ITPR2: variants seen among roughly 807,000 people sequenced by gnomAD.
ITPR2 encodes the protein inositol 1,4,5-trisphosphate-gated calcium channel ITPR2.
Under a neutral mutation model 317.1 loss-of-function variants are expected in ITPR2, and 207 were observed. The ratio of observed to expected loss-of-function variants is 0.65; its 90% CI spans 0.58 to 0.73. ITPR2 has a LOEUF of 0.73. Ranked by LOEUF, ITPR2 falls within the 30% of genes least tolerant of loss-of-function variation. The pLI is 0.00. For synonymous variants in ITPR2, 1,156 were observed against 1,149.1 expected (o/e 1.01, Z -0.12); for missense variants, 2,613 against 3,284.0 (o/e 0.80, Z 4.99).
At chr12:26,517,686 A>C (rs1036337413) in intron 37 of ITPR2, among the ~76,000 whole-genome samples, 2 of 152,220 alleles carry the variant, frequency 1.3e-5, no homozygotes, top group South Asian at 2.1e-4. Flanking sequence ...AAAAATACAA[A>C]AATTAGCCAG....
chr12:26,600,088 CTTCA>C lies in ITPR2; in HGVS notation c.3696_3699del (p.Asn1232LysfsTer2). On this transcript the variant is annotated frameshift_variant, in exon 29 of 57. Coordinates refer to ENST00000381340, the MANE Select transcript of ITPR2 (RefSeq NM_002223.4). LOFTEE classifies it high-confidence loss of function. ...AGAAATGTATGGGCTAGATTCATTACTTCATTCATCTTTTCATCATTCTGTAAGT... is the reference window on the plus strand; with the variant it reads ...AGAAATGTATGGGCTAGATTCATTACTTCATCTTTTCATCATTCTGTAAGT... 6.2e-7 allele frequency: 1 copy of C among 1,606,808 alleles called. No homozygotes were observed. The highest frequency in any genetic ancestry group is 8.5e-7 in the Non-Finnish European group (1 of 1,174,280).
At chr12:26,577,655 T>G (rs1038779727) in intron 34 of ITPR2, among the ~76,000 whole-genome samples, 4 of 152,212 alleles carry the variant, frequency 2.6e-5, no homozygotes, top group African/African-American at 9.6e-5. Context: ...TTCCACTAAT[T>G]TTCAATTAAG....
chr12:26,387,633 T>G (rs1591981973), intron 54 of ITPR2, 39 bp from the exon 55 acceptor site: 1 of 1,585,708 alleles, frequency 6.3e-7, no homozygotes, highest in Non-Finnish European at 8.6e-7. Flanking sequence ...TAATTCGTCA[T>G]TTAATCAGTA....
chr12:26,740,952 A>G (rs1444645971), intron 2 of ITPR2, among the ~76,000 whole-genome samples: 1 of 152,250 alleles, frequency 6.6e-6, no homozygotes, highest in Non-Finnish European at 1.5e-5. Flanking sequence ...GGACCAGAGA[A>G]TGAGAATGGG....
At chr12:26,742,288 A>C (rs1351623050) in intron 2 of ITPR2, among the ~76,000 whole-genome samples, 1 of 152,236 alleles carries the variant, frequency 6.6e-6, no homozygotes, top group Non-Finnish European at 1.5e-5. Context: ...AACAAGAAAG[A>C]ATGAACTGCT....
In ITPR2 at chr12:26,710,018, G is replaced by C. The variant is rs992841268; in HGVS notation, c.951+1155C>G. On this transcript the variant is annotated intron_variant, in intron 9 of 56. Coordinates refer to ENST00000381340, the MANE Select transcript of ITPR2 (RefSeq NM_002223.4). ...CTTTGGGAGGCCGAGGCAGGCGCTTGAGTCCAGGAGTCTGAGACCAGCCTG... is the reference window on the plus strand; with the variant it reads ...CTTTGGGAGGCCGAGGCAGGCGCTTCAGTCCAGGAGTCTGAGACCAGCCTG... 2.0e-5 allele frequency among the ~76,000 whole-genome samples: 3 copies of C among 152,164 alleles called. No individual in the cohort carries two copies. In the East Asian group the frequency reaches 5.8e-4, roughly 29 times the overall value.
intron 2 of ITPR2, among the ~76,000 whole-genome samples, chr12:26,742,250 A>T (rs1949243597): frequency 6.6e-6 from 1 of 152,240 alleles, no homozygotes; most frequent in Non-Finnish European, 1.5e-5. Flanking sequence ...AAATAGTGGT[A>T]TGGTCACAGA....
chr12:26,489,752 A>G lies in ITPR2; in HGVS notation c.5371-2501T>C, dbSNP rs1308674223. On this transcript the variant is annotated intron_variant, in intron 39 of 56. Coordinates refer to ENST00000381340, the MANE Select transcript of ITPR2 (RefSeq NM_002223.4). ...TATAGAACATACACACATTGACTTA[A>G]TGTAGTTAGAAAGGAAGAAATAAAG... 2.6e-5 allele frequency among the ~76,000 whole-genome samples: 4 copies of G among 152,208 alleles called. No individual in the cohort carries two copies. In the East Asian group the frequency reaches 5.8e-4, roughly 22 times the overall value.
intron 32 of ITPR2, among the ~76,000 whole-genome samples, chr12:26,589,825 TAAATAAAC>T (rs1289480008): frequency 0.12 from 3,140 of 26,286 alleles, 376 homozygotes; most frequent in Non-Finnish European, 0.2. Context: ...AATAAATAAA[TAAATAAAC>T]ATATATATAT....
At chr12:26,809,986 T>A (rs554690690) in intron 1 of ITPR2, among the ~76,000 whole-genome samples, 22 of 152,364 alleles carry the variant, frequency 1.4e-4, no homozygotes, top group Middle Eastern at 3.4e-3. Context: ...AACTGTGTGT[T>A]GTTTCTGGAT....
intron 37 of ITPR2, among the ~76,000 whole-genome samples, chr12:26,522,841 C>A (rs543687903): frequency 6.6e-6 from 1 of 151,510 alleles, no homozygotes; most frequent in Non-Finnish European, 1.5e-5. Context: ...GCTTCCACGG[C>A]GGGGGGGGAA....
chr12:26,782,980 C>T (rs1345326346), intron 2 of ITPR2, among the ~76,000 whole-genome samples: 1 of 152,194 alleles, frequency 6.6e-6, no homozygotes, highest in East Asian at 1.9e-4. Flanking sequence ...AAAGCAACTG[C>T]CTAGCAAGAA....
chr12:26,428,914 G>A (rs1941135213), intron 48 of ITPR2, among the ~76,000 whole-genome samples: 1 of 152,094 alleles, frequency 6.6e-6, no homozygotes. Flanking sequence ...TCAGCTCTGG[G>A]GCCTCAAATG....
chr12:26,475,748 C>G (rs1942402626), intron 44 of ITPR2, among the ~76,000 whole-genome samples: 1 of 152,142 alleles, frequency 6.6e-6, no homozygotes, highest in Non-Finnish European at 1.5e-5. Context: ...AGAAATTGCC[C>G]TGGGAAGTGA....
At chr12:26,539,027 T>C (rs1944184235) in intron 37 of ITPR2, among the ~76,000 whole-genome samples, 1 of 152,214 alleles carries the variant, frequency 6.6e-6, no homozygotes, top group Non-Finnish European at 1.5e-5. Context: ...TCTCTAGATA[T>C]GCCTAGTCAA....
intron 26 of ITPR2, among the ~76,000 whole-genome samples, chr12:26,610,563 A>C (rs2136772584): frequency 6.6e-6 from 1 of 152,282 alleles, no homozygotes; most frequent in Non-Finnish European, 1.5e-5. Context: ...ATAATTAATA[A>C]AGTAATATAA....
chr12:26,825,059 C>A (rs1950989873), intron 1 of ITPR2, among the ~76,000 whole-genome samples: 1 of 152,148 alleles, frequency 6.6e-6, no homozygotes, highest in Non-Finnish European at 1.5e-5. Context: ...TGGCAACACC[C>A]TATCTCTACT....
chr12:26,579,292 AATG>A (rs1830212738), intron 33 of ITPR2, among the ~76,000 whole-genome samples: 1 of 152,196 alleles, frequency 6.6e-6, no homozygotes, highest in South Asian at 2.1e-4. Context: ...GCATAATTGA[AATG>A]ATATTTTTAG....
intron 10 of ITPR2, among the ~76,000 whole-genome samples, chr12:26,693,285 T>C (rs1412345700): frequency 6.6e-6 from 1 of 152,186 alleles, no homozygotes; most frequent in African/African-American, 2.4e-5. Context: ...AATGAAGAAG[T>C]TGTTTTTTCG....
Sources: allele counts gnomAD v4.1 joint callset (sites outside exome capture counted in the v4.1 genomes callset), GRCh38; gene constraint gnomAD v4.1.1; transcripts MANE v1.5; gene names NCBI Gene and HGNC (gene_info 2026-07-23, HGNC 2026-07-21).